Variants in CAMK2D observed in about 807,000 individuals in gnomAD.
CAMK2D encodes the protein calcium/calmodulin dependent protein kinase II delta, also known as calcium/calmodulin-dependent protein kinase type II subunit delta.
In CAMK2D, 37 loss-of-function variants were observed where a neutral mutation model predicts 84.0. The ratio of observed to expected loss-of-function variants is 0.44; its 90% CI spans 0.34 to 0.58. CAMK2D has a LOEUF of 0.58. CAMK2D is among the 20% of genes least tolerant of loss of function. The probability of loss-of-function intolerance (pLI) is 0.02; values close to 1 mark genes in which losing one functional copy is unlikely to be tolerated. For synonymous variants in CAMK2D, 202 were observed against 212.5 expected, an observed-to-expected ratio of 0.95 and a Z score of 0.43; for missense variants, 448 against 652.5, an observed-to-expected ratio of 0.69 and a Z score of 3.41.
Position 113,505,055 on chromosome 4 carries a change from A to G in CAMK2D, c.985-20T>C. On this transcript the variant is annotated intron_variant, in intron 13 of 20. Coordinates refer to ENST00000511664, the MANE Select transcript of CAMK2D (RefSeq NM_001321571.2). ...GTTTATCTGTGGGTATGCAGAAAAT[A>G]GAAACAGAGATGCCTTAAACCCCTT... The G allele has an allele frequency of 6.5e-7, 1 of 1,527,918 alleles. No individual in the cohort carries two copies. Among genetic ancestry groups the G allele is most frequent in the Non-Finnish European group, 8.8e-7 (1 of 1,131,536 alleles). 94.6% of individuals were successfully genotyped at this position (1,527,918 alleles called of 1,614,324 possible).
At chr4:113,482,634 T>C (rs1212293216) in intron 16 of CAMK2D, among the ~76,000 whole-genome samples, 2 of 152,212 alleles carry the variant, frequency 1.3e-5, no homozygotes, top group South Asian at 2.1e-4. Flanking sequence ...CTATAACTTA[T>C]ATTAAATAAA....
intron 4 of CAMK2D, among the ~76,000 whole-genome samples, chr4:113,596,933 C>T (rs185249483): frequency 6.8e-4 from 103 of 152,110 alleles, no homozygotes; most frequent in Non-Finnish European, 1.4e-3. Flanking sequence ...CATTCTCCTG[C>T]CTCAGCCTCC....
intron 3 of CAMK2D, among the ~76,000 whole-genome samples, chr4:113,623,796 T>A (rs1167444376): frequency 6.6e-6 from 1 of 152,220 alleles, no homozygotes; most frequent in East Asian, 1.9e-4. Context: ...TCATGTTATA[T>A]GAATGTACCA....
At chr4:113,477,305 A>G (rs2097641211) in intron 16 of CAMK2D, among the ~76,000 whole-genome samples, 1 of 152,204 alleles carries the variant, frequency 6.6e-6, no homozygotes, top group South Asian at 2.1e-4. Flanking sequence ...ATATCCTATC[A>G]TACCAGAAAT....
chr4:113,452,652 TAA>T lies in CAMK2D; in HGVS notation c.*1891_*1892del, dbSNP rs200682595. 1 of 151,696 alleles carries T rather than the reference TAA, an allele frequency of 6.6e-6. No homozygotes were observed. Among genetic ancestry groups the T allele is most frequent in the African/African-American group, 2.4e-5 (1 of 41,164 alleles). 9.4% of individuals were successfully genotyped at this position (151,696 alleles called of 1,614,324 possible). On this transcript the variant is annotated 3_prime_UTR_variant, in exon 21 of 21. Transcript: ENST00000511664. The stretch of plus-strand genomic sequence containing the variant: ...AACACCACATGCTAAGTTAAAAGTG[TAA>T]AAAAAACACTCTACATCTATTTTTT...
chr4:113,716,084 G>C (rs1319821546), intron 2 of CAMK2D, among the ~76,000 whole-genome samples: 1 of 152,090 alleles, frequency 6.6e-6, no homozygotes, highest in Non-Finnish European at 1.5e-5. Context: ...TCAGTCATTT[G>C]CTCACAGTAG....
At chr4:113,477,692 G>C (rs895349321) in intron 16 of CAMK2D, among the ~76,000 whole-genome samples, 1 of 145,828 alleles carries the variant, frequency 6.9e-6, no homozygotes, top group Non-Finnish European at 1.5e-5. Flanking sequence ...GTTGAAGTGA[G>C]CCGAGATTGT....
At chr4:113,660,100 G>A (rs1051681384) in intron 3 of CAMK2D, among the ~76,000 whole-genome samples, 1 of 152,116 alleles carries the variant, frequency 6.6e-6, no homozygotes, top group Non-Finnish European at 1.5e-5. Flanking sequence ...GAAAGATTTT[G>A]CAAATTCTAC....
At chr4:113,758,693 G>A (rs1022440944) in intron 2 of CAMK2D, among the ~76,000 whole-genome samples, 10 of 152,112 alleles carry the variant, frequency 6.6e-5, no homozygotes, top group African/African-American at 1.2e-4. Flanking sequence ...GCTATTTTAC[G>A]AGTATGAATT....
chr4:113,587,315 T>A (rs1328569077), intron 4 of CAMK2D, among the ~76,000 whole-genome samples: 1 of 152,240 alleles, frequency 6.6e-6, no homozygotes, highest in Non-Finnish European at 1.5e-5. Context: ...GACATTCTTT[T>A]ACAAAATCAA....
intron 2 of CAMK2D, among the ~76,000 whole-genome samples, chr4:113,737,671 A>C (rs1384616928): frequency 3.9e-5 from 6 of 152,210 alleles, no homozygotes; most frequent in Non-Finnish European, 8.8e-5. Flanking sequence ...TAATATAAAA[A>C]ATCTTTATTA....
chr4:113,538,971 C>T (rs751461184), intron 6 of CAMK2D, among the ~76,000 whole-genome samples: 4 of 152,020 alleles, frequency 2.6e-5, no homozygotes, highest in South Asian at 2.1e-4. Context: ...ACACTAAATA[C>T]GTAATTTAAT....
At chr4:113,715,319 C>G (rs2099510120) in intron 2 of CAMK2D, among the ~76,000 whole-genome samples, 1 of 151,966 alleles carries the variant, frequency 6.6e-6, no homozygotes, top group East Asian at 1.9e-4. Flanking sequence ...GCATTCTTCT[C>G]TTCTTCCTTA....
chr4:113,571,577 A>T (rs2098753651), intron 4 of CAMK2D, among the ~76,000 whole-genome samples: 1 of 152,210 alleles, frequency 6.6e-6, no homozygotes, highest in African/African-American at 2.4e-5. Flanking sequence ...TGTGCAGTTT[A>T]AAAAAGTCAA....
chr4:113,685,046 CT>C (rs1436912395), intron 2 of CAMK2D, among the ~76,000 whole-genome samples: 1 of 152,096 alleles, frequency 6.6e-6, no homozygotes, highest in Non-Finnish European at 1.5e-5. Context: ...TGTTGATTCT[CT>C]TTAGTAAGGC....
intron 12 of CAMK2D, 135 bp from the exon 13 acceptor site, chr4:113,509,810 C>G: frequency 1.5e-6 from 1 of 660,946 alleles, no homozygotes; most frequent in South Asian, 1.8e-5. Flanking sequence ...TTATCAAAGT[C>G]ACACTGATGA....
rs142149081 is a variant in CAMK2D, at chr4:113,744,078, G to A, written c.160+15242C>T. Reference sequence around the variant, plus strand: ...GATGGTCTGGATCTCCTGACCTCGCGATCCGCCCACCTAGGCCTCCCAAAG... The same window carrying A: ...GATGGTCTGGATCTCCTGACCTCGCAATCCGCCCACCTAGGCCTCCCAAAG... On this transcript the variant is annotated intron_variant, in intron 2 of 20. Transcript: ENST00000511664. Among the ~76,000 whole-genome samples, 50 of 152,112 alleles carry A rather than the reference G, an allele frequency of 3.3e-4. No individual in the cohort carries two copies. In the East Asian group the frequency reaches 7.0e-3, roughly 21 times the overall value.
At chr4:113,739,327 T>C (rs2099587815) in intron 2 of CAMK2D, among the ~76,000 whole-genome samples, 1 of 152,022 alleles carries the variant, frequency 6.6e-6, no homozygotes, top group Admixed American at 6.6e-5. Flanking sequence ...CCACTATCAA[T>C]CCCCAGCACA....
At chr4:113,488,480 A>G (rs1184916240) in intron 16 of CAMK2D, among the ~76,000 whole-genome samples, 1 of 152,196 alleles carries the variant, frequency 6.6e-6, no homozygotes, top group Non-Finnish European at 1.5e-5. Flanking sequence ...GCGTTTCGAT[A>G]ATGGAACAGT....
Sources: gnomAD v4.1 joint callset for allele counts (sites outside exome capture counted in the v4.1 genomes callset) on GRCh38, gnomAD v4.1.1 for gene constraint, MANE v1.5 for transcripts, NCBI Gene and HGNC (gene_info 2026-07-23, HGNC 2026-07-21) for gene names.